KIF5C: variants seen among roughly 807,000 people sequenced by gnomAD.
The protein encoded by KIF5C is kinesin heavy chain isoform 5C.
Under a neutral mutation model 125.2 loss-of-function variants are expected in KIF5C, and 18 were observed. The observed-to-expected ratio is 0.14, with a 90% CI of 0.10 to 0.21. The LOEUF is 0.21. Ranked by LOEUF, KIF5C falls within the 10% of genes least tolerant of loss-of-function variation. The pLI, the probability that KIF5C is intolerant of heterozygous loss-of-function variation, is 1.00. For synonymous variants in KIF5C, 405 were observed against 434.0 expected, an observed-to-expected ratio of 0.93 and a Z score of 0.83; for missense variants, 780 against 1,183.8, an observed-to-expected ratio of 0.66 and a Z score of 5.01.
chr2:148,903,042 G>C lies in KIF5C; in HGVS notation c.127-19095G>C, dbSNP rs546006782. 2.0e-4 allele frequency among the ~76,000 whole-genome samples: 30 copies of C among 152,188 alleles called. No homozygotes were observed. The South Asian group carries it at 5.8e-3, about 30-fold the overall frequency. The stretch of plus-strand genomic sequence containing the variant: ...GTAAGGCTGCCCTTGAGCTGTACTT[G>C]GGCTCTGCAGGCAAGTGTGCTGTGG... On this transcript the variant is annotated intron_variant, in intron 1 of 25. Transcript: ENST00000435030.
intron 1 of KIF5C, among the ~76,000 whole-genome samples, chr2:148,920,202 G>A (rs73007601): frequency 0.013 from 1,947 of 152,146 alleles, 45 homozygotes; most frequent in African/African-American, 0.044. Context: ...TAAACAAGAC[G>A]CTTTACTTTG....
chr2:148,954,223 C>G (rs895927575), intron 10 of KIF5C, among the ~76,000 whole-genome samples: 6 of 152,262 alleles, frequency 3.9e-5, no homozygotes, highest in African/African-American at 1.4e-4. Context: ...GAATGCCCAG[C>G]ATCGTGCCAT....
intron 1 of KIF5C, among the ~76,000 whole-genome samples, chr2:148,897,564 A>G (rs1163449475): frequency 6.6e-6 from 1 of 152,160 alleles, no homozygotes; most frequent in African/African-American, 2.4e-5. Flanking sequence ...GCTAGGTACC[A>G]GTGAAATAAA....
chr2:148,940,531 T>G (rs1682385385), intron 4 of KIF5C, among the ~76,000 whole-genome samples: 1 of 152,160 alleles, frequency 6.6e-6, no homozygotes. Context: ...GGACCAGTGC[T>G]GGGTTAGAGT....
At chr2:148,988,146 G>A (rs925695497) in intron 15 of KIF5C, among the ~76,000 whole-genome samples, 1 of 149,676 alleles carries the variant, frequency 6.7e-6, no homozygotes, top group Non-Finnish European at 1.5e-5. Flanking sequence ...AATTTCAGCA[G>A]CAAACTGATT....
chr2:148,915,003 T>C (rs1681488314), intron 1 of KIF5C, among the ~76,000 whole-genome samples: 2 of 152,278 alleles, frequency 1.3e-5, no homozygotes, highest in African/African-American at 2.4e-5. Flanking sequence ...TTGCCAGGTA[T>C]GGGATGTTTT....
rs117500870 is a variant in KIF5C, at chr2:149,008,148, G to A, written c.2550+81G>A. ...CCCACCAGGTTTGGCCACAGTGTGC[G>A]GAGAAGGCACTGAGATTGAAGGTAA... On this transcript the variant is annotated intron_variant, in intron 23 of 25. Transcript: ENST00000435030. 8 of 1,450,838 alleles carry A rather than the reference G, an allele frequency of 5.5e-6. No homozygotes were observed. In the East Asian group the frequency reaches 7.1e-5, roughly 13 times the overall value. 89.9% of individuals were successfully genotyped at this position (1,450,838 alleles called of 1,614,324 possible).
intron 3 of KIF5C, among the ~76,000 whole-genome samples, chr2:148,934,729 A>ACG (rs1166834653): frequency 6.6e-6 from 1 of 151,668 alleles, no homozygotes; most frequent in Admixed American, 6.6e-5. Flanking sequence ...CACATTCCCT[A>ACG]CGTCCATCTC....
At chr2:148,893,626 C>T (rs762177625) in intron 1 of KIF5C, among the ~76,000 whole-genome samples, 20 of 152,194 alleles carry the variant, frequency 1.3e-4, no homozygotes, top group Non-Finnish European at 2.5e-4. Context: ...TAGTCACTTC[C>T]TTCTTGGAAT....
intron 1 of KIF5C, among the ~76,000 whole-genome samples, chr2:148,920,274 G>C (rs186135633): frequency 1.3e-5 from 2 of 152,206 alleles, no homozygotes; most frequent in African/African-American, 4.8e-5. Context: ...CTACATTTTT[G>C]TTCCAGAAAG....
At chr2:148,950,084 C>T in intron 9 of KIF5C, 141 bp downstream of exon 9, 2 of 1,376,376 alleles carry the variant, frequency 1.5e-6, no homozygotes, top group Non-Finnish European at 1.9e-6. Flanking sequence ...GCTATGGATG[C>T]CTGCTTGCTG....
At position 148,981,450 on chromosome 2, in the gene KIF5C, A is replaced by C; in HGVS notation, c.1458A>C (p.Glu486Asp). ...AGGCAGCCAAGGATGAGGTGAAAGA[A>C]GTTCTCCAGGCCCTGGAGGAGCTGG... ...ENEAAKDEVK[E>D]VLQALEELAV... The change falls in exon 14 of 26, where the codon GAA (glutamate) becomes GAC (aspartate). Residue 486 changes from glutamate to aspartate, a missense_variant. Physicochemically the swap from Glu to Asp is conservative, Grantham distance 45. Around this residue, in one of 2 missense-constraint regions of KIF5C, gnomAD observed 573 missense variants for 742.6 expected, o/e 0.77. Coordinates refer to ENST00000435030, the MANE Select transcript of KIF5C (RefSeq NM_004522.3). The C allele has an allele frequency of 3.1e-6, 5 of 1,609,690 alleles. No individual in the cohort carries two copies. Among genetic ancestry groups the C allele is most frequent in the Non-Finnish European group, 4.2e-6 (5 of 1,178,086 alleles).
At chr2:148,998,637 C>A in intron 19 of KIF5C, 128 bp downstream of exon 19, 1 of 1,413,452 alleles carries the variant, frequency 7.1e-7, no homozygotes, top group Non-Finnish European at 9.5e-7. Flanking sequence ...GCCCTGGTGA[C>A]ACAGCAGGCT....
At chr2:148,915,637 C>T (rs1681515885) in intron 1 of KIF5C, among the ~76,000 whole-genome samples, 1 of 152,214 alleles carries the variant, frequency 6.6e-6, no homozygotes, top group Non-Finnish European at 1.5e-5. Flanking sequence ...TCTTTTAGGA[C>T]CTACTGAATG....
chr2:148,883,006 A>G (rs2105036782), intron 1 of KIF5C, among the ~76,000 whole-genome samples: 1 of 152,324 alleles, frequency 6.6e-6, no homozygotes, highest in Admixed American at 6.5e-5. Context: ...CTTGGCTGTC[A>G]GAGTTTGGGG....
intron 10 of KIF5C, among the ~76,000 whole-genome samples, chr2:148,954,561 G>A (rs188416368): frequency 1.3e-5 from 2 of 152,320 alleles, no homozygotes; most frequent in Non-Finnish European, 2.9e-5. Flanking sequence ...AGACCAATGT[G>A]GTTAGGAAGA....
At chr2:148,948,069 C>G (rs548557574) in intron 8 of KIF5C, 12 of 453,294 alleles carry the variant, frequency 2.6e-5, no homozygotes, top group Admixed American at 7.1e-5. Context: ...AGTATGGGGC[C>G]GGGTGCAGTG....
intron 22 of KIF5C, among the ~76,000 whole-genome samples, chr2:149,006,945 G>T (rs1309833416): frequency 6.6e-6 from 1 of 152,152 alleles, no homozygotes; most frequent in African/African-American, 2.4e-5. Context: ...AGGAGCTTGA[G>T]ATCAGACTTC....
chr2:148,946,970 GA>G lies in KIF5C; in HGVS notation c.669del (p.Lys223AsnfsTer43). ...INIKQENVET[E>X]KKLSGKLYLV... The stretch of plus-strand genomic sequence containing the variant: ...TATTAAACAAGAGAATGTAGAGACT[GA>G]AAAAAAACTCAGTGGGAAACTTTAT... On this transcript the variant is annotated frameshift_variant, in exon 8 of 26. Transcript: ENST00000435030. LOFTEE classifies it high-confidence loss of function. 6.2e-7 allele frequency: 1 copy of G among 1,612,244 alleles called. No individual in the cohort carries two copies. The highest frequency in any genetic ancestry group is 1.7e-5 in the Admixed American group (1 of 59,546).
Sources: allele counts gnomAD v4.1 joint callset (sites outside exome capture counted in the v4.1 genomes callset), GRCh38; gene constraint gnomAD v4.1.1; regional missense constraint gnomAD v4.1.1; transcripts MANE v1.5; gene names NCBI Gene and HGNC (gene_info 2026-07-23, HGNC 2026-07-21).